Variants in TENM3 observed in about 807,000 individuals in gnomAD.
TENM3 encodes the protein teneurin-3.
A neutral mutation model predicts 255.1 loss-of-function variants in TENM3; 63 were observed. That is an observed-to-expected ratio of 0.25 (90% CI 0.20 to 0.30). The LOEUF (loss-of-function observed/expected upper bound fraction) is 0.30. Ranked by LOEUF, TENM3 falls within the 10% of genes least tolerant of loss-of-function variation. TENM3 has a pLI of 1.00. For synonymous variants in TENM3, 1,306 were observed against 1,322.3 expected (o/e 0.99, Z 0.27); for missense variants, 2,929 against 3,461.1 (o/e 0.85, Z 3.86).
At chr4:181,865,751 G>A in the TENM3 span, among the ~76,000 whole-genome samples, 1 of 152,124 alleles carries the variant, frequency 6.6e-6, no homozygotes, top group African/African-American at 2.4e-5. Flanking sequence ...AGGTCCATAG[G>A]TTTGTAGCGC....
At chr4:181,744,119 C>T in the TENM3 span, among the ~76,000 whole-genome samples, 2,032 of 152,268 alleles carry the variant, frequency 0.013, 28 homozygotes, top group South Asian at 0.046. Flanking sequence ...ATAACAGCTT[C>T]CAAATCCATC....
the TENM3 span, among the ~76,000 whole-genome samples, chr4:181,602,903 A>AT: frequency 4.3e-3 from 659 of 152,242 alleles, 7 homozygotes; most frequent in African/African-American, 0.015. Context: ...AAAGTTAGAA[A>AT]TTTTTTTAAA....
chr4:182,532,084 A>G (rs1739836740), intron 3 of TENM3, among the ~76,000 whole-genome samples: 1 of 152,208 alleles, frequency 6.6e-6, no homozygotes, highest in Non-Finnish European at 1.5e-5. Context: ...TTTCTCTGGA[A>G]TGGGCATTTG....
chr4:181,932,351 A>G, the TENM3 span, among the ~76,000 whole-genome samples: 23 of 152,218 alleles, frequency 1.5e-4, no homozygotes, highest in Non-Finnish European at 2.8e-4. Flanking sequence ...AAAAGTGGAC[A>G]AAGAATATGA....
intron 3 of TENM3, among the ~76,000 whole-genome samples, chr4:182,386,694 G>C (rs1767951606): frequency 6.6e-6 from 1 of 152,246 alleles, no homozygotes; most frequent in African/African-American, 2.4e-5. Flanking sequence ...TTAGCACCCA[G>C]GCCAGCGGCT....
rs113965659 is a variant in TENM3 at position 182,254,563 on chromosome 4, T to C, written c.-76+11087T>C. Among the ~76,000 whole-genome samples the C allele has an allele frequency of 8.7e-3, 1,321 of 152,286 alleles. 16 individuals are homozygous for C. The highest frequency in any genetic ancestry group is 0.029 in the African/African-American group (1,207 of 41,558). On this transcript the variant is annotated intron_variant, in intron 1 of 27. Coordinates refer to ENST00000511685, the MANE Select transcript of TENM3 (RefSeq NM_001080477.4). ...AGGTCTTTAAAAGCAGCAGAAGGCT[T>C]TGGTTAACAGAGCAGAATTTCCCTT...
chr4:181,471,586 T>C, the TENM3 span, among the ~76,000 whole-genome samples: 1 of 152,182 alleles, frequency 6.6e-6, no homozygotes, highest in South Asian at 2.1e-4. Context: ...GATCAAGTCT[T>C]GGATGCTCCT....
At chr4:182,293,665 C>A (rs922569345) in intron 1 of TENM3, among the ~76,000 whole-genome samples, 2 of 152,128 alleles carry the variant, frequency 1.3e-5, no homozygotes, top group Non-Finnish European at 2.9e-5. Flanking sequence ...AAAGCATAGA[C>A]AACGTTTGCC....
intron 3 of TENM3, among the ~76,000 whole-genome samples, chr4:182,375,325 C>T (rs1337341642): frequency 6.6e-6 from 1 of 151,900 alleles, no homozygotes; most frequent in Non-Finnish European, 1.5e-5. Context: ...AGCCACACCC[C>T]AAATAGATGC....
intron 3 of TENM3, among the ~76,000 whole-genome samples, chr4:182,390,052 C>T (rs1362060499): frequency 6.6e-6 from 1 of 152,106 alleles, no homozygotes. Flanking sequence ...GCACATAGCC[C>T]ACCTCCCTCA....
chr4:182,036,771 C>T, the TENM3 span, among the ~76,000 whole-genome samples: 1 of 151,948 alleles, frequency 6.6e-6, no homozygotes, highest in Admixed American at 6.6e-5. Flanking sequence ...GCAAGTGAGC[C>T]CCTAAAAAAG....
At chr4:181,525,353 C>T in the TENM3 span, among the ~76,000 whole-genome samples, 3 of 145,508 alleles carry the variant, frequency 2.1e-5, no homozygotes, top group African/African-American at 5.1e-5. Flanking sequence ...GCCGAGATCA[C>T]GCCACTACAC....
At chr4:181,754,954 G>A in the TENM3 span, among the ~76,000 whole-genome samples, 5 of 152,142 alleles carry the variant, frequency 3.3e-5, no homozygotes, top group Admixed American at 1.3e-4. Flanking sequence ...TCAAGGTCAC[G>A]TGTTTTGTTA....
intron 3 of TENM3, among the ~76,000 whole-genome samples, chr4:182,398,660 C>T (rs950687544): frequency 6.6e-6 from 1 of 152,118 alleles, no homozygotes; most frequent in African/African-American, 2.4e-5. Context: ...GTGTTACAGG[C>T]ATGGAACGTG....
At chr4:182,472,143 A>G (rs1001169373) in intron 3 of TENM3, among the ~76,000 whole-genome samples, 1 of 152,290 alleles carries the variant, frequency 6.6e-6, no homozygotes, top group African/African-American at 2.4e-5. Context: ...TATTCTGCCT[A>G]AATGTAACTG....
At chr4:181,709,822 A>AT in the TENM3 span, among the ~76,000 whole-genome samples, 3 of 152,144 alleles carry the variant, frequency 2.0e-5, no homozygotes, top group Non-Finnish European at 2.9e-5. Flanking sequence ...CGTTCAGAAG[A>AT]TTTTTTTGAT....
chr4:181,906,320 G>T, the TENM3 span: 1 of 181,734 alleles, frequency 5.5e-6, no homozygotes, highest in Admixed American at 5.4e-5. Context: ...ATAAAAGGTA[G>T]TTCGTATTCC....
At position 182,793,465 on chromosome 4, in the gene TENM3, C is replaced by G. The variant is rs770228537; in HGVS notation, c.6793C>G (p.His2265Asp). The G allele has an allele frequency of 6.2e-7, 1 of 1,613,816 alleles. No homozygotes were observed. The highest frequency in any genetic ancestry group is 1.3e-5 in the African/African-American group (1 of 74,914). The change falls in exon 26 of 28, where the codon CAT becomes GAT. Residue 2265 changes from histidine to aspartate, a missense_variant. Physicochemically the swap from His to Asp is moderately conservative, Grantham distance 81. Transcript: ENST00000511685. The surrounding 1 kb of genome is among the most constrained non-coding windows in gnomAD (Gnocchi z 5.7). ...CACTAGGATTACTCATGTCTACAACCATTCGAGTTCAGAAATTACCTCCCT... is the reference window on the plus strand; with the variant it reads ...CACTAGGATTACTCATGTCTACAACGATTCGAGTTCAGAAATTACCTCCCT... ...YPTRITHVYN[H>D]SSSEITSLYY...
At chr4:182,476,328 T>C (rs965299349) in intron 3 of TENM3, among the ~76,000 whole-genome samples, 12 of 152,210 alleles carry the variant, frequency 7.9e-5, no homozygotes, top group Non-Finnish European at 1.3e-4. Flanking sequence ...GTGGCAGTGG[T>C]TATGTGTATG....
Sources: gnomAD v4.1 joint callset for allele counts (sites outside exome capture counted in the v4.1 genomes callset) on GRCh38, gnomAD v4.1.1 for gene constraint, Gnocchi (gnomAD v3.1) non-coding constraint, MANE v1.5 for transcripts, NCBI Gene and HGNC (gene_info 2026-07-23, HGNC 2026-07-21) for gene names.